FAF1: variants seen among roughly 807,000 people sequenced by gnomAD.
The protein encoded by FAF1 is Fas associated factor 1, also known as FAS-associated factor 1.
A neutral mutation model predicts 92.5 loss-of-function variants in FAF1; 25 were observed. The observed-to-expected ratio is 0.27, with a 90% CI of 0.20 to 0.38. The LOEUF (loss-of-function observed/expected upper bound fraction) is 0.38, where lower values mean the gene tolerates loss of function less well. Among genes scored for constraint, FAF1 ranks in the 10% least tolerant of loss-of-function variants. The pLI, the probability that FAF1 is intolerant of heterozygous loss-of-function variation, is 1.00. For missense variants in FAF1, 636 were observed against 793.3 expected, an observed-to-expected ratio of 0.80 and a Z score of 2.38; for synonymous variants, 234 against 273.2, an observed-to-expected ratio of 0.86 and a Z score of 1.42.
chr1:50,885,862 A>G (rs1437025021), intron 1 of FAF1, among the ~76,000 whole-genome samples: 3 of 151,902 alleles, frequency 2.0e-5, no homozygotes, highest in Non-Finnish European at 4.4e-5. Flanking sequence ...GTATGTTTTT[A>G]TATTGGAGGT....
intron 1 of FAF1, among the ~76,000 whole-genome samples, chr1:50,906,864 CCTTT>C (rs1259865616): frequency 4.6e-5 from 7 of 152,280 alleles, no homozygotes; most frequent in African/African-American, 1.7e-4. Context: ...AATTGAATCC[CCTTT>C]CTTTATTTCT....
chr1:50,631,323 A>G (rs918151333), intron 8 of FAF1, among the ~76,000 whole-genome samples: 1 of 152,192 alleles, frequency 6.6e-6, no homozygotes, highest in African/African-American at 2.4e-5. Flanking sequence ...AGCATGAGGA[A>G]ATCTTGCACC....
At chr1:50,567,335 A>C (rs1303900099) in intron 12 of FAF1, 104 bp from the exon 13 acceptor site, 3 of 705,878 alleles carry the variant, frequency 4.3e-6, no homozygotes. Context: ...AAAGACAAAA[A>C]TTAAATGCTA....
intron 16 of FAF1, 82 bp from the exon 17 acceptor site, chr1:50,490,747 G>A (rs1646829602): frequency 1.1e-6 from 1 of 902,218 alleles, no homozygotes; most frequent in South Asian, 1.4e-5. Flanking sequence ...AGAGAAAAAA[G>A]AAAAGAGGAA....
At chr1:50,776,486 A>C (rs1660966687) in intron 4 of FAF1, among the ~76,000 whole-genome samples, 1 of 152,186 alleles carries the variant, frequency 6.6e-6, no homozygotes, top group Non-Finnish European at 1.5e-5. Flanking sequence ...CAGAGAAGCC[A>C]GCCATTTCTG....
intron 4 of FAF1, among the ~76,000 whole-genome samples, chr1:50,768,306 G>A (rs1660653301): frequency 6.6e-6 from 1 of 152,060 alleles, no homozygotes; most frequent in African/African-American, 2.4e-5. Context: ...CAAGTTCTTA[G>A]AGATCTACAA....
At chr1:50,922,585 G>A (rs1361921072) in intron 1 of FAF1, among the ~76,000 whole-genome samples, 8 of 151,086 alleles carry the variant, frequency 5.3e-5, no homozygotes, top group Non-Finnish European at 7.4e-5. Context: ...TTGGGAAGCC[G>A]AGGAGGGTGG....
intron 6 of FAF1, among the ~76,000 whole-genome samples, chr1:50,709,841 G>A (rs917652553): frequency 6.6e-6 from 1 of 152,170 alleles, no homozygotes; most frequent in Non-Finnish European, 1.5e-5. Flanking sequence ...AGAGAGGTTC[G>A]AAAAGATGTT....
intron 5 of FAF1, among the ~76,000 whole-genome samples, chr1:50,743,091 C>G (rs1367714018): frequency 6.6e-6 from 1 of 152,174 alleles, no homozygotes; most frequent in Admixed American, 6.5e-5. Flanking sequence ...GTATGGCACA[C>G]AAAGCCTAAA....
chr1:50,455,815 T>A (rs928720373), intron 18 of FAF1, among the ~76,000 whole-genome samples: 4 of 152,056 alleles, frequency 2.6e-5, no homozygotes, highest in Non-Finnish European at 5.9e-5. Flanking sequence ...CTCACTTTTG[T>A]TTTTTTGATT....
intron 2 of FAF1, among the ~76,000 whole-genome samples, chr1:50,809,193 T>C (rs1363312513): frequency 6.6e-6 from 1 of 151,820 alleles, no homozygotes; most frequent in Non-Finnish European, 1.5e-5. Context: ...ATTAACAACC[T>C]AACATCACAC....
intron 7 of FAF1, among the ~76,000 whole-genome samples, chr1:50,666,341 T>G (rs944630237): frequency 3.3e-5 from 5 of 151,878 alleles, no homozygotes; most frequent in African/African-American, 1.2e-4. Context: ...GCCTTCTGAG[T>G]GACTACAGAT....
chr1:50,700,627 A>C (rs1375008968), intron 7 of FAF1, among the ~76,000 whole-genome samples: 5 of 152,124 alleles, frequency 3.3e-5, no homozygotes, highest in African/African-American at 9.7e-5. Context: ...TGATAACTGA[A>C]CGGAATTTCT....
intron 17 of FAF1, among the ~76,000 whole-genome samples, chr1:50,487,419 C>T (rs910176570): frequency 3.3e-5 from 5 of 152,144 alleles, no homozygotes; most frequent in Non-Finnish European, 5.9e-5. Flanking sequence ...CTTCCTTTGT[C>T]CTTTTCCTTT....
At chr1:50,530,845 A>G (rs564211663) in intron 15 of FAF1, among the ~76,000 whole-genome samples, 19 of 152,340 alleles carry the variant, frequency 1.2e-4, no homozygotes, top group African/African-American at 4.6e-4. Context: ...AGCCAGAATC[A>G]GTATTCTGTT....
intron 7 of FAF1, among the ~76,000 whole-genome samples, chr1:50,660,358 T>C (rs936574295): frequency 3.3e-5 from 5 of 152,206 alleles, no homozygotes; most frequent in Non-Finnish European, 5.9e-5. Context: ...CCTTGTGAGC[T>C]AAATATCTAT....
chr1:50,540,702 G>A (rs1027498344), intron 13 of FAF1, among the ~76,000 whole-genome samples: 3 of 152,134 alleles, frequency 2.0e-5, no homozygotes, highest in African/African-American at 7.2e-5. Context: ...CTTATGATAT[G>A]TTTTCAGATC....
intron 7 of FAF1, among the ~76,000 whole-genome samples, chr1:50,670,414 ACAGCTAGTAG>A (rs1655822087): frequency 6.6e-6 from 1 of 152,036 alleles, no homozygotes; most frequent in Non-Finnish European, 1.5e-5. Context: ...ATTGCCACTC[ACAGCTAGTAG>A]TGACCCTATT....
intron 8 of FAF1, among the ~76,000 whole-genome samples, chr1:50,625,356 T>C (rs1653451371): frequency 6.6e-6 from 1 of 152,246 alleles, no homozygotes; most frequent in African/African-American, 2.4e-5. Flanking sequence ...GTATCTACTA[T>C]GTACCTAAGG....
Sources: allele counts gnomAD v4.1 joint callset (sites outside exome capture counted in the v4.1 genomes callset), GRCh38; gene constraint gnomAD v4.1.1; transcripts MANE v1.5; gene names NCBI Gene and HGNC (gene_info 2026-07-23, HGNC 2026-07-21).